The following RGS6 variants were observed in gnomAD, a reference collection of about 807,000 sequenced individuals.
RGS6 encodes regulator of G protein signaling 6.
A neutral mutation model predicts 78.5 loss-of-function variants in RGS6; 30 were observed. The observed-to-expected ratio is 0.38, with a 90% CI of 0.29 to 0.52. The LOEUF is 0.52. Among genes scored for constraint, RGS6 ranks in the 20% least tolerant of loss-of-function variants. The pLI, the probability that RGS6 is intolerant of heterozygous loss-of-function variation, is 0.85. For synonymous variants in RGS6, 206 were observed against 206.0 expected, an observed-to-expected ratio of 1.00 and a Z score of 0.00; for missense variants, 495 against 609.7, an observed-to-expected ratio of 0.81 and a Z score of 1.98.
intron 3 of RGS6, among the ~76,000 whole-genome samples, chr14:72,371,226 A>G (rs10149207): frequency 0.34 from 51,867 of 152,068 alleles, 9,165 homozygotes; most frequent in South Asian, 0.49. Flanking sequence ...AATCCTGTCA[A>G]CTTATAACTG....
At chr14:72,125,141 G>T (rs1239256543) in intron 2 of RGS6, among the ~76,000 whole-genome samples, 1 of 152,184 alleles carries the variant, frequency 6.6e-6, no homozygotes, top group African/African-American at 2.4e-5. Flanking sequence ...GGACGTCTTT[G>T]TTGGCACCCC....
chr14:72,336,894 T>A (rs1274895563), intron 2 of RGS6, among the ~76,000 whole-genome samples: 1 of 152,172 alleles, frequency 6.6e-6, no homozygotes, highest in Non-Finnish European at 1.5e-5. Context: ...TCCCTCTGTG[T>A]GTGCCTGTCT....
the RGS6 span, among the ~76,000 whole-genome samples, chr14:71,922,216 C>T: frequency 1.3e-5 from 2 of 152,310 alleles, no homozygotes; most frequent in Non-Finnish European, 2.9e-5. Context: ...TCTTTGACTC[C>T]TCTCTTCCTC....
chr14:72,220,057 G>A (rs2046495899), intron 2 of RGS6, among the ~76,000 whole-genome samples: 1 of 152,052 alleles, frequency 6.6e-6, no homozygotes, highest in Non-Finnish European at 1.5e-5. Flanking sequence ...CAAAATCAGT[G>A]AACAAAAATC....
chr14:72,156,185 C>G (rs7144075), intron 2 of RGS6, among the ~76,000 whole-genome samples: 1 of 152,208 alleles, frequency 6.6e-6, no homozygotes, highest in East Asian at 1.9e-4. Context: ...CAGTGGCTTA[C>G]GCCTGTGATC....
chr14:71,937,851 C>T (rs1449829112), intron 1 of RGS6, among the ~76,000 whole-genome samples: 1 of 152,228 alleles, frequency 6.6e-6, no homozygotes, highest in Non-Finnish European at 1.5e-5. Flanking sequence ...GTATAATCAA[C>T]CTGCCACCAG....
chr14:72,164,604 A>G (rs1451656738), intron 2 of RGS6, among the ~76,000 whole-genome samples: 4 of 152,214 alleles, frequency 2.6e-5, no homozygotes, highest in Non-Finnish European at 4.4e-5. Flanking sequence ...CCTTAGAATA[A>G]CAGCAAGAAG....
At chr14:72,530,963 C>G (rs117543826) in intron 15 of RGS6, among the ~76,000 whole-genome samples, 1 of 142,652 alleles carries the variant, frequency 7.0e-6, no homozygotes, top group African/African-American at 2.7e-5. Flanking sequence ...ATATCTGAGC[C>G]TGTGCTAGAC....
chr14:72,169,784 T>C (rs997410903), intron 2 of RGS6, among the ~76,000 whole-genome samples: 2 of 152,182 alleles, frequency 1.3e-5, no homozygotes, highest in South Asian at 4.1e-4. Flanking sequence ...TCTTTCTCCT[T>C]TTCTTCTGCC....
chr14:72,338,710 G>C (rs2076469490), intron 2 of RGS6, among the ~76,000 whole-genome samples: 1 of 152,206 alleles, frequency 6.6e-6, no homozygotes, highest in Admixed American at 6.5e-5. Context: ...AGTGACGTTG[G>C]TGATACCTGC....
At chr14:72,390,845 A>C (rs1390459192) in intron 3 of RGS6, among the ~76,000 whole-genome samples, 1 of 152,218 alleles carries the variant, frequency 6.6e-6, no homozygotes, top group Non-Finnish European at 1.5e-5. Flanking sequence ...TGGTGAAATC[A>C]GAAGCTAAAG....
At chr14:72,197,515 G>A (rs1252498364) in intron 2 of RGS6, among the ~76,000 whole-genome samples, 1 of 152,208 alleles carries the variant, frequency 6.6e-6, no homozygotes, top group African/African-American at 2.4e-5. Flanking sequence ...AAGAAGGGAA[G>A]GCCTGGGGCT....
At chr14:72,394,553 G>A (rs188212927) in intron 3 of RGS6, among the ~76,000 whole-genome samples, 1 of 152,284 alleles carries the variant, frequency 6.6e-6, no homozygotes, top group East Asian at 1.9e-4. Flanking sequence ...CTGAGAAAAA[G>A]ACTTCAGCAA....
chr14:72,493,912 G>A (rs2096610887), intron 12 of RGS6, among the ~76,000 whole-genome samples: 3 of 152,130 alleles, frequency 2.0e-5, no homozygotes, highest in Admixed American at 2.0e-4. Context: ...CCTTTATTAC[G>A]AAACTACTAA....
At chr14:72,550,751 G>T (rs1024129596) in intron 17 of RGS6, 43 of 897,214 alleles carry the variant, frequency 4.8e-5, no homozygotes, top group Admixed American at 1.8e-4. Context: ...AGGTTTCCTT[G>T]GTAGTGATTC....
At chr14:72,407,142 C>G (rs1340233221) in intron 3 of RGS6, among the ~76,000 whole-genome samples, 1 of 152,160 alleles carries the variant, frequency 6.6e-6, no homozygotes, top group Non-Finnish European at 1.5e-5. Context: ...TACCAAGACC[C>G]TAGGTGTTCC....
intron 2 of RGS6, among the ~76,000 whole-genome samples, chr14:72,025,485 C>G (rs2089662748): frequency 6.6e-6 from 1 of 152,046 alleles, no homozygotes; most frequent in Non-Finnish European, 1.5e-5. Context: ...TGATTAACCT[C>G]TGAGAGAGGT....
chr14:71,925,766 T>C, the RGS6 span, among the ~76,000 whole-genome samples: 1 of 109,060 alleles, frequency 9.2e-6, no homozygotes, highest in African/African-American at 3.9e-5. Context: ...CTTCCTCTTC[T>C]GTTCCATTGG....
intron 17 of RGS6, among the ~76,000 whole-genome samples, chr14:72,548,349 G>T (rs955633692): frequency 1.2e-4 from 14 of 117,494 alleles, no homozygotes; most frequent in Non-Finnish European, 9.8e-5. Flanking sequence ...GTGTGCGCGC[G>T]TGTGTGTGTG....
Sources: allele counts gnomAD v4.1 joint callset (sites outside exome capture counted in the v4.1 genomes callset), GRCh38; gene constraint gnomAD v4.1.1; transcripts MANE v1.5; gene names NCBI Gene and HGNC (gene_info 2026-07-23, HGNC 2026-07-21).